TENM3: variants seen among roughly 807,000 people sequenced by gnomAD.
The protein encoded by TENM3 is teneurin transmembrane protein 3, also known as teneurin-3.
In TENM3, 63 loss-of-function variants were observed where a neutral mutation model predicts 255.1. That is an observed-to-expected ratio of 0.25 (90% CI 0.20 to 0.30). The LOEUF is 0.30. Among genes scored for constraint, TENM3 ranks in the 10% least tolerant of loss-of-function variants. The pLI is 1.00. For synonymous variants in TENM3, 1,306 were observed against 1,322.3 expected (o/e 0.99, Z 0.27); for missense variants, 2,929 against 3,461.1 (o/e 0.85, Z 3.86).
At chr4:182,086,283 C>T in the TENM3 span, among the ~76,000 whole-genome samples, 1 of 152,146 alleles carries the variant, frequency 6.6e-6, no homozygotes, top group Non-Finnish European at 1.5e-5. Flanking sequence ...TCAGACACTG[C>T]ACAAATTAAG....
intron 3 of TENM3, among the ~76,000 whole-genome samples, chr4:182,513,237 A>G (rs1737592379): frequency 6.6e-6 from 1 of 152,188 alleles, no homozygotes. Flanking sequence ...AGTAAGAAAA[A>G]CCATATTCGT....
chr4:182,504,213 C>T (rs1736596004), intron 3 of TENM3, among the ~76,000 whole-genome samples: 2 of 151,788 alleles, frequency 1.3e-5, no homozygotes. Context: ...TAAAATCACT[C>T]ATCCCCTGAT....
the TENM3 span, among the ~76,000 whole-genome samples, chr4:182,032,545 T>C: frequency 6.6e-6 from 1 of 152,182 alleles, no homozygotes; most frequent in Non-Finnish European, 1.5e-5. Flanking sequence ...GGTTTTGGTA[T>C]CAGAATGATG....
intron 9 of TENM3, 39 bp from the exon 10 acceptor site, chr4:182,680,504 A>G (rs1561099283): frequency 1.2e-6 from 2 of 1,604,930 alleles, no homozygotes; most frequent in Admixed American, 1.7e-5. Context: ...CTCGGTGGAA[A>G]GTGTGGCTGT....
intron 3 of TENM3, among the ~76,000 whole-genome samples, chr4:182,542,404 G>T (rs1740970682): frequency 6.6e-6 from 1 of 152,094 alleles, no homozygotes; most frequent in African/African-American, 2.4e-5. Context: ...TCAGACACAG[G>T]TAATGTAAAT....
At chr4:181,856,756 T>C in the TENM3 span, among the ~76,000 whole-genome samples, 2 of 152,134 alleles carry the variant, frequency 1.3e-5, no homozygotes, top group East Asian at 3.9e-4. Flanking sequence ...CTCTCTGTTG[T>C]ATTTATCTTG....
At chr4:181,803,720 C>A in the TENM3 span, among the ~76,000 whole-genome samples, 1 of 151,792 alleles carries the variant, frequency 6.6e-6, no homozygotes, top group Non-Finnish European at 1.5e-5. Flanking sequence ...ATCATGAGGC[C>A]AGGAGTTTGA....
chr4:182,087,137 T>A, the TENM3 span, among the ~76,000 whole-genome samples: 5 of 152,098 alleles, frequency 3.3e-5, no homozygotes, highest in Non-Finnish European at 5.9e-5. Flanking sequence ...ACATTCTGAG[T>A]TTCCCCCTGT....
chr4:182,246,031 C>T (rs1479135810), intron 1 of TENM3, among the ~76,000 whole-genome samples: 4 of 152,106 alleles, frequency 2.6e-5, no homozygotes, highest in Admixed American at 6.5e-5. Flanking sequence ...CTGCAAGTCA[C>T]GGGAAATAGC....
intron 1 of TENM3, among the ~76,000 whole-genome samples, chr4:182,311,273 C>T (rs1002091956): frequency 1.8e-4 from 28 of 152,210 alleles, no homozygotes; most frequent in African/African-American, 5.8e-4. Flanking sequence ...TTGAATTTCA[C>T]TTGGCTTTTA....
intron 3 of TENM3, among the ~76,000 whole-genome samples, chr4:182,564,678 C>T (rs1743587284): frequency 6.6e-6 from 1 of 151,262 alleles, no homozygotes; most frequent in Non-Finnish European, 1.5e-5. Flanking sequence ...TAATGAATGG[C>T]TAAAGTGCCC....
chr4:182,775,719 A>C (rs1299419681), intron 24 of TENM3, among the ~76,000 whole-genome samples: 3 of 152,206 alleles, frequency 2.0e-5, no homozygotes, highest in Non-Finnish European at 4.4e-5. Flanking sequence ...ATCAAAAGAC[A>C]CAAAGACATG....
the TENM3 span, among the ~76,000 whole-genome samples, chr4:181,650,256 T>C: frequency 6.6e-6 from 1 of 152,194 alleles, no homozygotes; most frequent in Admixed American, 6.5e-5. Context: ...GCCTTTGTAA[T>C]CCTACTCACT....
chr4:182,015,963 C>A, the TENM3 span, among the ~76,000 whole-genome samples: 1 of 152,142 alleles, frequency 6.6e-6, no homozygotes, highest in Non-Finnish European at 1.5e-5. Flanking sequence ...TTAACATAAA[C>A]CTAGATATCA....
chr4:182,790,293 C>A (rs534502560), intron 25 of TENM3, among the ~76,000 whole-genome samples: 1 of 152,250 alleles, frequency 6.6e-6, no homozygotes, highest in African/African-American at 2.4e-5. Context: ...AGTTACTGTT[C>A]CACCCCTCCT....
chr4:182,576,141 C>G (rs1007009523), intron 3 of TENM3, among the ~76,000 whole-genome samples: 4 of 152,124 alleles, frequency 2.6e-5, no homozygotes, highest in Non-Finnish European at 4.4e-5. Context: ...TTCTCTTCAT[C>G]CTGTCACATC....
chr4:181,662,719 A>G, the TENM3 span, among the ~76,000 whole-genome samples: 1 of 152,210 alleles, frequency 6.6e-6, no homozygotes, highest in African/African-American at 2.4e-5. Context: ...TAATCCATGG[A>G]ACAATAAACA....
At position 182,743,336 on chromosome 4, in the gene TENM3, C is replaced by T. The variant is rs371572552; in HGVS notation, c.3546C>T (p.Ile1182=). ...CCCCAGTGGCGCTAGCTTGTGGGAT[C>T]GATGGCAGTCTGTACGTAGGCGATT... The part of the protein sequence containing the change: ...LLAPVALACG[I]DGSLYVGDFN... The change falls in exon 19 of 28, where the codon ATC becomes ATT. Residue 1182 remains isoleucine (I), a synonymous_variant. Transcript: ENST00000511685. The T allele has an allele frequency of 2.7e-5, 43 of 1,613,950 alleles. No individual in the cohort carries two copies. In the African/African-American group the frequency reaches 3.1e-4, roughly 12 times the overall value.
chr4:181,602,653 G>A, the TENM3 span, among the ~76,000 whole-genome samples: 3 of 152,168 alleles, frequency 2.0e-5, no homozygotes, highest in Non-Finnish European at 4.4e-5. Context: ...GGGAAAAAGA[G>A]GTGGCAGAAT....
Sources: gnomAD v4.1 joint callset for allele counts (sites outside exome capture counted in the v4.1 genomes callset) on GRCh38, gnomAD v4.1.1 for gene constraint, MANE v1.5 for transcripts, NCBI Gene and HGNC (gene_info 2026-07-23, HGNC 2026-07-21) for gene names.